Variants in SSH2 observed in about 807,000 individuals in gnomAD.
The protein encoded by SSH2 is slingshot protein phosphatase 2.
Under a neutral mutation model 135.2 loss-of-function variants are expected in SSH2, and 37 were observed. That is an observed-to-expected ratio of 0.27 (90% confidence interval 0.21 to 0.36). The LOEUF (loss-of-function observed/expected upper bound fraction) is 0.36, where lower values mean the gene tolerates loss of function less well. SSH2 is among the 10% of genes least tolerant of loss of function. The pLI is 1.00. For synonymous variants in SSH2, 628 were observed against 646.2 expected, an observed-to-expected ratio of 0.97 and a Z score of 0.43; for missense variants, 1,408 against 1,765.3, an observed-to-expected ratio of 0.80 and a Z score of 3.63.
intron 2 of SSH2, among the ~76,000 whole-genome samples, chr17:29,795,137 G>T (rs2042135594): frequency 6.6e-6 from 1 of 152,126 alleles, no homozygotes; most frequent in African/African-American, 2.4e-5. Context: ...CCTTTCCTGG[G>T]CAACCAAGCC....
intron 3 of SSH2, among the ~76,000 whole-genome samples, chr17:29,737,951 C>T (rs1183955683): frequency 1.7e-5 from 2 of 116,012 alleles, no homozygotes. Context: ...TTATATTATA[C>T]TTTAAGTTCT....
chr17:29,762,211 T>A (rs1019244820), intron 3 of SSH2, among the ~76,000 whole-genome samples: 1 of 151,686 alleles, frequency 6.6e-6, no homozygotes, highest in African/African-American at 2.4e-5. Context: ...GTTGAAGTAA[T>A]GGTCAAACAA....
At chr17:29,760,095 T>G (rs1364763073) in intron 3 of SSH2, among the ~76,000 whole-genome samples, 1 of 152,202 alleles carries the variant, frequency 6.6e-6, no homozygotes, top group Non-Finnish European at 1.5e-5. Context: ...CGAGTTTAAT[T>G]CGATTTGGTA....
intron 13 of SSH2, among the ~76,000 whole-genome samples, chr17:29,648,982 T>C (rs550741504): frequency 8.6e-5 from 13 of 151,940 alleles, no homozygotes; most frequent in African/African-American, 3.1e-4. Context: ...CTACTAAAAA[T>C]ACAAAAAAAT....
At chr17:29,776,765 C>A (rs2041710755) in intron 3 of SSH2, 1 of 152,262 alleles carries the variant, frequency 6.6e-6, no homozygotes, top group African/African-American at 2.4e-5. Flanking sequence ...CAGCATGGAG[C>A]TGTGGCTTCA....
At chr17:29,738,550 ATTTTATTTTATTTT>A in intron 3 of SSH2, among the ~76,000 whole-genome samples, 1 of 137,444 alleles carries the variant, frequency 7.3e-6, no homozygotes, top group Non-Finnish European at 1.6e-5. Flanking sequence ...TTTCTTTTTT[ATTTTATTTTATTTT>A]TTTTTTTGAG....
At chr17:29,709,015 T>TATATATATATATATATATAGAGAG (rs780981175) in intron 3 of SSH2, among the ~76,000 whole-genome samples, 3 of 81,592 alleles carry the variant, frequency 3.7e-5, no homozygotes, top group Non-Finnish European at 4.9e-5. Flanking sequence ...TATATATATA[T>TATATATATATATATATATAGAGAG]AGAGAGAGAG....
chr17:29,842,949 ATCT>A (rs1341073262), intron 2 of SSH2, among the ~76,000 whole-genome samples: 50 of 152,306 alleles, frequency 3.3e-4, no homozygotes, highest in African/African-American at 1.2e-3. Context: ...AATAAAACTC[ATCT>A]TCTTAGCACC....
In SSH2 at chr17:29,752,849, A is replaced by AAG. The variant is rs558410809; in HGVS notation, c.188+41044_188+41045insCT. Among the ~76,000 whole-genome samples the AAG allele has an allele frequency of 3.9e-4, 59 of 151,676 alleles. 1 individual carries two copies. In the South Asian group the frequency reaches 0.011, roughly 29 times the overall value. Reference sequence around the variant, plus strand: ...GCACACTCAAATCACAGAAAAAAAAAAAACCAAAAAGATCAGTTACACATA... The same window carrying AAG: ...GCACACTCAAATCACAGAAAAAAAAAAGAAACCAAAAAGATCAGTTACACATA... On this transcript the variant is annotated intron_variant, in intron 3 of 15. Coordinates refer to ENST00000540801, the MANE Select transcript of SSH2 (RefSeq NM_001282129.2).
chr17:29,850,902 G>A (rs1195942761), intron 1 of SSH2, among the ~76,000 whole-genome samples: 1 of 152,032 alleles, frequency 6.6e-6, no homozygotes, highest in Non-Finnish European at 1.5e-5. Context: ...GGAGAATGGC[G>A]TGAACCTGGG....
At chr17:29,854,862 AC>A in intron 1 of SSH2, among the ~76,000 whole-genome samples, 1 of 152,088 alleles carries the variant, frequency 6.6e-6, no homozygotes, top group African/African-American at 2.4e-5. Flanking sequence ...CAGGGGAATC[AC>A]TTGAACCCAG....
intron 1 of SSH2, among the ~76,000 whole-genome samples, chr17:29,891,613 C>T (rs1259182533): frequency 6.6e-6 from 1 of 151,680 alleles, no homozygotes; most frequent in Non-Finnish European, 1.5e-5. Flanking sequence ...AACAAAATAG[C>T]CTTCAAACTT....
At chr17:29,822,929 C>CA (rs1327543226) in intron 2 of SSH2, among the ~76,000 whole-genome samples, 1 of 152,138 alleles carries the variant, frequency 6.6e-6, no homozygotes, top group Non-Finnish European at 1.5e-5. Context: ...TTACAAAACT[C>CA]AAAGAGTTTG....
rs2042543159 is a variant in SSH2, at chr17:29,815,527, C to T, written c.145-21590G>A. 2.0e-5 allele frequency among the ~76,000 whole-genome samples: 3 copies of T among 152,218 alleles called. No homozygotes were observed. The South Asian group carries it at 6.2e-4, about 31-fold the overall frequency. Reference sequence around the variant, plus strand: ...CTGCCTGCCTCGGCCTCCCGAAGTGCTGAGATTACAGGCATGAGCCACTGT... The same window carrying T: ...CTGCCTGCCTCGGCCTCCCGAAGTGTTGAGATTACAGGCATGAGCCACTGT... On this transcript the variant is annotated intron_variant, in intron 2 of 15. Coordinates refer to ENST00000540801, the MANE Select transcript of SSH2 (RefSeq NM_001282129.2).
chr17:29,677,651 A>C, intron 7 of SSH2, 22 bp downstream of exon 7: 1 of 1,609,560 alleles, frequency 6.2e-7, no homozygotes, highest in East Asian at 2.2e-5. Context: ...TCTGTAACAG[A>C]ATAAAAAAGG....
At chr17:29,829,801 C>T (rs2042809627) in intron 2 of SSH2, among the ~76,000 whole-genome samples, 1 of 151,434 alleles carries the variant, frequency 6.6e-6, no homozygotes, top group South Asian at 2.1e-4. Context: ...GAAAACTCTT[C>T]AGTGGCTTTT....
intron 11 of SSH2, 54 bp downstream of exon 11, chr17:29,666,813 T>G: frequency 6.5e-7 from 1 of 1,545,316 alleles, no homozygotes; most frequent in South Asian, 1.2e-5. Flanking sequence ...CCCCTGCCCA[T>G]GAGTCCATAT....
At chr17:29,885,307 C>T (rs1233685960) in intron 1 of SSH2, among the ~76,000 whole-genome samples, 3 of 144,768 alleles carry the variant, frequency 2.1e-5, no homozygotes, top group Non-Finnish European at 4.5e-5. Flanking sequence ...TAACTTTTAA[C>T]TCTTATTAAC....
At chr17:29,836,230 A>G (rs2042941892) in intron 2 of SSH2, among the ~76,000 whole-genome samples, 1 of 152,142 alleles carries the variant, frequency 6.6e-6, no homozygotes, top group South Asian at 2.1e-4. Context: ...ATCCTAAGCA[A>G]ATCCCTTAAA....
Sources: allele counts gnomAD v4.1 joint callset (sites outside exome capture counted in the v4.1 genomes callset), GRCh38; gene constraint gnomAD v4.1.1; transcripts MANE v1.5; gene names NCBI Gene and HGNC (gene_info 2026-07-23, HGNC 2026-07-21).